Variants in ADAM12 observed in about 807,000 individuals in gnomAD.
ADAM12 encodes ADAM metallopeptidase domain 12, also known as disintegrin and metalloproteinase domain-containing protein 12.
Under a neutral mutation model 106.4 loss-of-function variants are expected in ADAM12, and 70 were observed. That is an observed-to-expected ratio of 0.66 (90% CI 0.54 to 0.80). The LOEUF (loss-of-function observed/expected upper bound fraction) is 0.80, where lower values mean the gene tolerates loss of function less well. Among genes scored for constraint, ADAM12 ranks in the 30% least tolerant of loss-of-function variants. The probability of loss-of-function intolerance (pLI) is 0.00; values close to 1 mark genes in which losing one functional copy is unlikely to be tolerated. For synonymous variants in ADAM12, 420 were observed against 433.5 expected, an observed-to-expected ratio of 0.97 and a Z score of 0.39; for missense variants, 1,010 against 1,171.9, an observed-to-expected ratio of 0.86 and a Z score of 2.02.
intron 16 of ADAM12, 84 bp from the exon 17 acceptor site, chr10:126,046,216 A>C: frequency 7.7e-7 from 1 of 1,291,486 alleles, no homozygotes; most frequent in Non-Finnish European, 1.1e-6. Context: ...TCAAACAAAA[A>C]GCAAGCAAAA....
intron 4 of ADAM12, among the ~76,000 whole-genome samples, chr10:126,150,198 T>A (rs1000047334): frequency 1.3e-5 from 2 of 152,200 alleles, no homozygotes; most frequent in African/African-American, 4.8e-5. Context: ...CTTTCTGAAA[T>A]AACTATTTAC....
chr10:126,201,906 G>C (rs776789058), intron 3 of ADAM12, among the ~76,000 whole-genome samples: 26 of 152,202 alleles, frequency 1.7e-4, no homozygotes, highest in Non-Finnish European at 3.4e-4. Flanking sequence ...CTGCCCCAGA[G>C]AGAGGCAGCA....
At chr10:126,370,224 T>C (rs1027305524) in intron 1 of ADAM12, among the ~76,000 whole-genome samples, 1 of 152,180 alleles carries the variant, frequency 6.6e-6, no homozygotes, top group Non-Finnish European at 1.5e-5. Flanking sequence ...GTGCCTAGAT[T>C]CGTAACCCAC....
chr10:126,087,555 TA>T (rs2133547996), intron 11 of ADAM12, among the ~76,000 whole-genome samples: 1 of 152,344 alleles, frequency 6.6e-6, no homozygotes, highest in South Asian at 2.1e-4. Context: ...AAGATTTTCT[TA>T]AACTTTTCAT....
Position 126,146,250 on chromosome 10 carries a change from C to A in ADAM12, c.339+8977G>T, listed in dbSNP as rs146189164. On this transcript the variant is annotated intron_variant, in intron 4 of 22. Coordinates refer to ENST00000448723, the MANE Select transcript of ADAM12 (RefSeq NM_001288973.2). ...GAGAAGGCACTGGTGTTGAGTGCCTCGGCCAGTGGGACAGCAAAGCAGCCT... is the reference window on the plus strand; with the variant it reads ...GAGAAGGCACTGGTGTTGAGTGCCTAGGCCAGTGGGACAGCAAAGCAGCCT... Among the ~76,000 whole-genome samples, 32 of 152,240 alleles carry A rather than the reference C, an allele frequency of 2.1e-4. No homozygotes were observed. The South Asian group carries it at 4.4e-3, about 21-fold the overall frequency.
intron 3 of ADAM12, among the ~76,000 whole-genome samples, chr10:126,250,157 G>A (rs1175273760): frequency 3.3e-5 from 5 of 152,142 alleles, no homozygotes; most frequent in African/African-American, 1.2e-4. Context: ...CAAAGTCCTC[G>A]CATGAGGTTT....
Position 126,049,475 on chromosome 10 carries a change from T to A in ADAM12, c.1719-24A>T. On this transcript the variant is annotated intron_variant, in intron 15 of 22. Transcript: ENST00000448723. The surrounding 1 kb of genome is among the most constrained non-coding windows in gnomAD (Gnocchi z 4.4). ...CTCTGGAAGGGTAAGAACAAACAAT[T>A]CCCAAGGAGAAACCATTTGGAACCA... 1 of 1,613,980 alleles carries A rather than the reference T, an allele frequency of 6.2e-7. No individual in the cohort carries two copies. Among genetic ancestry groups the A allele is most frequent in the East Asian group, 2.2e-5 (1 of 44,870 alleles).
intron 2 of ADAM12, among the ~76,000 whole-genome samples, chr10:126,325,519 AT>A (rs1169635914): frequency 6.6e-6 from 1 of 152,216 alleles, no homozygotes; most frequent in Non-Finnish European, 1.5e-5. Context: ...ATTAGCTGCT[AT>A]TTGATATTTG....
At chr10:126,269,963 C>G (rs1309093497) in intron 3 of ADAM12, among the ~76,000 whole-genome samples, 2 of 152,168 alleles carry the variant, frequency 1.3e-5, no homozygotes, top group Non-Finnish European at 2.9e-5. Flanking sequence ...TGACCTTCTT[C>G]AACGTCTATA....
chr10:126,235,265 G>A (rs769825059), intron 3 of ADAM12, among the ~76,000 whole-genome samples: 65 of 152,242 alleles, frequency 4.3e-4, no homozygotes, highest in Non-Finnish European at 5.9e-5. Flanking sequence ...CCACGGCCTT[G>A]AGGGAGAGTG....
chr10:126,187,326 T>A (rs200536892), intron 3 of ADAM12, among the ~76,000 whole-genome samples: 10 of 148,566 alleles, frequency 6.7e-5, no homozygotes, highest in African/African-American at 1.2e-4. Flanking sequence ...GGAAATGAAA[T>A]AAAAAAAAAA....
intron 11 of ADAM12, among the ~76,000 whole-genome samples, chr10:126,078,443 C>T (rs6597737): frequency 0.31 from 46,462 of 151,820 alleles, 7,287 homozygotes; most frequent in South Asian, 0.42. Flanking sequence ...CCTCCAGAAA[C>T]GGTCTTTGAA....
intron 5 of ADAM12, among the ~76,000 whole-genome samples, chr10:126,134,387 A>C (rs1956367115): frequency 6.6e-6 from 1 of 152,180 alleles, no homozygotes; most frequent in Non-Finnish European, 1.5e-5. Flanking sequence ...AAATAAACAA[A>C]TACACACCCC....
chr10:126,333,990 T>C (rs756999134), intron 1 of ADAM12, among the ~76,000 whole-genome samples: 2 of 152,216 alleles, frequency 1.3e-5, no homozygotes, highest in Non-Finnish European at 2.9e-5. Context: ...CTCAGCTTTT[T>C]CATTGGCTGC....
intron 1 of ADAM12, among the ~76,000 whole-genome samples, chr10:126,339,014 CCTTCTGCCAAAATACACACCAA>C (rs1212498103): frequency 6.6e-6 from 1 of 152,172 alleles, no homozygotes; most frequent in Non-Finnish European, 1.5e-5. Context: ...TCTGTGACCA[CCTTCTGCCAAAATACACACCAA>C]CTTGGGCAGC....
At chr10:126,254,256 T>C (rs1317081954) in intron 3 of ADAM12, among the ~76,000 whole-genome samples, 3 of 152,232 alleles carry the variant, frequency 2.0e-5, no homozygotes, top group African/African-American at 7.2e-5. Context: ...GGGAGTCATT[T>C]GATAGGGCTG....
chr10:126,314,416 G>A (rs1961255968), intron 2 of ADAM12, among the ~76,000 whole-genome samples: 1 of 152,270 alleles, frequency 6.6e-6, no homozygotes, highest in East Asian at 1.9e-4. Flanking sequence ...GAGTGTTAGG[G>A]CTGCAGGCCA....
intron 3 of ADAM12, among the ~76,000 whole-genome samples, chr10:126,264,093 G>C (rs1287453349): frequency 1.3e-5 from 2 of 152,112 alleles, no homozygotes; most frequent in Non-Finnish European, 2.9e-5. Flanking sequence ...TTGTTGATAT[G>C]AATGTACAAT....
At chr10:126,206,187 A>T (rs1005163280) in intron 3 of ADAM12, among the ~76,000 whole-genome samples, 2 of 152,234 alleles carry the variant, frequency 1.3e-5, no homozygotes, top group African/African-American at 4.8e-5. Context: ...GGAGAAACAC[A>T]TTGTAAGAAA....
Sources: allele counts gnomAD v4.1 joint callset (sites outside exome capture counted in the v4.1 genomes callset), GRCh38; gene constraint gnomAD v4.1.1; non-coding constraint Gnocchi (gnomAD v3.1); transcripts MANE v1.5; gene names NCBI Gene and HGNC (gene_info 2026-07-23, HGNC 2026-07-21).